SMYD4: variants seen among roughly 807,000 people sequenced by gnomAD.
SMYD4 encodes protein-lysine N-methyltransferase SMYD4.
Under a neutral mutation model 72.8 loss-of-function variants are expected in SMYD4, and 68 were observed. That is an observed-to-expected ratio of 0.93 (90% CI 0.77 to 1.14). SMYD4 has a LOEUF of 1.14. Ranked by LOEUF, SMYD4 falls within the 50% of genes most tolerant of loss-of-function variation. The pLI is 0.00. For synonymous variants in SMYD4, 407 were observed against 388.6 expected (o/e 1.05, Z -0.56); for missense variants, 984 against 1,003.7 (o/e 0.98, Z 0.27).
intron 5 of SMYD4, among the ~76,000 whole-genome samples, chr17:1,798,797 G>A (rs1909542047): frequency 6.6e-6 from 1 of 152,038 alleles, no homozygotes; most frequent in South Asian, 2.1e-4. Context: ...CTACTTGGGA[G>A]GCTGAGCATG....
chr17:1,794,105 A>ATATATTT lies in SMYD4; in HGVS notation c.1537+5751_1537+5752insAAATATA, dbSNP rs1291818005. Among the ~76,000 whole-genome samples the ATATATTT allele has an allele frequency of 4.9e-3, 64 of 12,996 alleles. 3 individuals are homozygous for ATATATTT. Among genetic ancestry groups the ATATATTT allele is most frequent in the Non-Finnish European group, 8.1e-3 (59 of 7,266 alleles). 8.5% of individuals were successfully genotyped at this position (12,996 alleles called of 152,430 possible). A position where few individuals can be genotyped will look rare whatever the true frequency, so the allele number is the denominator to read the frequency against. Reference sequence around the variant, plus strand: ...TGTATATATATATATATATATATATATTTTTTTTTTTTTTTTTTTTTTGAG... The same window carrying ATATATTT: ...TGTATATATATATATATATATATATATATATTTTTTTTTTTTTTTTTTTTTTTTTGAG... On this transcript the variant is annotated intron_variant, in intron 5 of 10. Transcript: ENST00000305513.
At chr17:1,819,043 G>C (rs571171141) in intron 2 of SMYD4, among the ~76,000 whole-genome samples, 1 of 151,846 alleles carries the variant, frequency 6.6e-6, no homozygotes, top group East Asian at 1.9e-4. Context: ...CTCATGGTTA[G>C]ATTCACATTA....
rs955925835 is a variant in SMYD4, at chr17:1,799,921, C to T, written c.1473G>A (p.Ala491=). 16 of 1,613,776 alleles carry T rather than the reference C, an allele frequency of 9.9e-6. No homozygotes were observed. In the African/African-American group the frequency reaches 1.7e-4, roughly 17 times the overall value. Residue 491 remains alanine, a synonymous_variant, in exon 5 of 11, where the codon GCG becomes GCA. Coordinates refer to ENST00000305513, the MANE Select transcript of SMYD4 (RefSeq NM_052928.3). The part of the protein sequence containing the change: ...LCPDVTIWGV[A]MLRHMLQLQC... ...GAAGCTGTAACATGTGTCTCAGCAT[C>T]GCCACTCCCCAAATAGTCACGTCAG...
intron 5 of SMYD4, among the ~76,000 whole-genome samples, chr17:1,794,604 T>G (rs530171960): frequency 6.6e-6 from 1 of 151,788 alleles, no homozygotes; most frequent in East Asian, 1.9e-4. Flanking sequence ...TCTGAAATAT[T>G]TAAGTTGTTA....
intron 2 of SMYD4, among the ~76,000 whole-genome samples, chr17:1,822,619 C>A (rs1202890509): frequency 3.3e-5 from 5 of 152,090 alleles, no homozygotes; most frequent in Non-Finnish European, 7.4e-5. Context: ...GCCACCATGG[C>A]CAGTTAATTT....
intron 10 of SMYD4, 93 bp from the exon 11 acceptor site, chr17:1,781,532 C>A: frequency 7.2e-7 from 1 of 1,398,598 alleles, no homozygotes; most frequent in South Asian, 1.4e-5. Flanking sequence ...AATGTAAGAT[C>A]ATTTCTGTCA....
chr17:1,818,223 C>A (rs1204758524), intron 2 of SMYD4, among the ~76,000 whole-genome samples: 3 of 152,126 alleles, frequency 2.0e-5, no homozygotes, highest in Non-Finnish European at 1.5e-5. Context: ...TGCCATCTCT[C>A]TCTAGAACTC....
At chr17:1,826,129 C>G (rs913357192) in intron 2 of SMYD4, among the ~76,000 whole-genome samples, 3 of 151,924 alleles carry the variant, frequency 2.0e-5, no homozygotes, top group Non-Finnish European at 4.4e-5. Context: ...TACAAATGAA[C>G]AAGAGAATAA....
Position 1,801,024 on chromosome 17 carries a change from T to C in SMYD4, c.370A>G (p.Thr124Ala), listed in dbSNP as rs747182826. 1 of 1,587,288 alleles carries C rather than the reference T, an allele frequency of 6.3e-7. No homozygotes were observed. The change falls in exon 5 of 11, where the codon ACG becomes GCG. Residue 124 changes from threonine (T) to alanine (A), a missense_variant and splice_region_variant. Coordinates refer to ENST00000305513, the MANE Select transcript of SMYD4 (RefSeq NM_052928.3). Reference sequence around the variant, plus strand: ...GCTCTGTTAATGTCTTTAAGACACGTCTGAAAACAGAAAGAAAATCCCACA... The same window carrying C: ...GCTCTGTTAATGTCTTTAAGACACGCCTGAAAACAGAAAGAAAATCCCACA... Reference protein sequence around the residue: ...AALFHLGQYETCLKDINRAQT... With the variant: ...AALFHLGQYEACLKDINRAQT...
At chr17:1,794,105 A>ATATATATATATATTTTTTTTT (rs1291818005) in intron 5 of SMYD4, among the ~76,000 whole-genome samples, 1 of 12,982 alleles carries the variant, frequency 7.7e-5, no homozygotes, top group African/African-American at 3.6e-4. Context: ...ATATATATAT[A>ATATATATATATATTTTTTTTT]TTTTTTTTTT....
At chr17:1,789,746 A>AAC (rs1908916999) in intron 5 of SMYD4, among the ~76,000 whole-genome samples, 1 of 108,120 alleles carries the variant, frequency 9.2e-6, no homozygotes, top group Non-Finnish European at 2.1e-5. Context: ...GCCTGGGTGA[A>AAC]AGAGCGAGAC....
chr17:1,794,039 A>ATATATATGTGTGTG (rs1567770772), intron 5 of SMYD4, among the ~76,000 whole-genome samples: 2 of 68,076 alleles, frequency 2.9e-5, no homozygotes, highest in Non-Finnish European at 5.0e-5. Flanking sequence ...ATATATATGT[A>ATATATATGTGTGTG]TGTATATATA....
chr17:1,809,059 CAG>C (rs1200287656), intron 3 of SMYD4, among the ~76,000 whole-genome samples: 3 of 152,116 alleles, frequency 2.0e-5, no homozygotes, highest in Non-Finnish European at 2.9e-5. Flanking sequence ...TTGTTTTTAA[CAG>C]AGACAGGGCC....
In SMYD4 at chr17:1,800,488, G is replaced by A. The variant is rs577627338; in HGVS notation, c.906C>T (p.His302=). The change falls in exon 5 of 11, where the codon CAC becomes CAT. Residue 302 remains histidine, a synonymous_variant. Coordinates refer to ENST00000305513, the MANE Select transcript of SMYD4 (RefSeq NM_052928.3). ...CGTCACACGGAACTGTGGCCAAAGT[G>A]TGCTTCAAACATCGGTGACAATAGA... is the stretch of plus-strand genomic sequence containing the variant. The part of the protein sequence containing the change: ...GDLYCHRCLK[H]TLATVPCDGC... 2 of 1,614,210 alleles carry A rather than the reference G, an allele frequency of 1.2e-6. No individual in the cohort carries two copies. Among genetic ancestry groups the A allele is most frequent in the South Asian group, 2.2e-5 (2 of 91,080 alleles).
At chr17:1,826,850 G>T (rs1235050319) in intron 2 of SMYD4, among the ~76,000 whole-genome samples, 1 of 151,884 alleles carries the variant, frequency 6.6e-6, no homozygotes. Context: ...CACTATTTTT[G>T]TCTATAGAAA....
rs779033391 is a variant in SMYD4, at chr17:1,800,841, G to C, written c.553C>G (p.Gln185Glu). ...CGATGGAGGTTTCTCTGCAGAGTCT[G>C]AGGGAGGACATCTGCTAGGGCTGGT... ...ATPALADVLP[Q>E]TLQRNLHRLK... The change falls in exon 5 of 11, where the codon CAG becomes GAG. Residue 185 changes from glutamine (Q) to glutamate (E), a missense_variant. Transcript: ENST00000305513. 2 of 1,614,076 alleles carry C rather than the reference G, an allele frequency of 1.2e-6. No individual in the cohort carries two copies. Among genetic ancestry groups the C allele is most frequent in the African/African-American group, 2.7e-5 (2 of 74,936 alleles).
intron 8 of SMYD4, chr17:1,783,681 G>A (rs1018610485): frequency 1.8e-4 from 152 of 835,406 alleles, no homozygotes; most frequent in Non-Finnish European, 1.6e-4. Flanking sequence ...AGGCGCTAGG[G>A]GAGGCCTCCC....
chr17:1,828,037 A>G (rs1373104674), intron 1 of SMYD4, 31 bp from the exon 2 acceptor site: 1 of 1,584,118 alleles, frequency 6.3e-7, no homozygotes, highest in East Asian at 2.3e-5. Context: ...TAGGAATCTT[A>G]CAAATGCACA....
Position 1,795,317 on chromosome 17 carries a change from G to GCTAT in SMYD4, c.1537+4536_1537+4539dup, listed in dbSNP as rs937242207. Among the ~76,000 whole-genome samples, 11 of 151,460 alleles carry GCTAT rather than the reference G, an allele frequency of 7.3e-5. No individual in the cohort carries two copies. In the East Asian group the frequency reaches 9.7e-4, roughly 13 times the overall value. On this transcript the variant is annotated intron_variant, in intron 5 of 10. Transcript: ENST00000305513. Reference sequence around the variant, plus strand: ...GAGAGAGACTTGCTCTGTCGCCCTGGCTATCTATCTATCTATCTAATCATC... The same window carrying GCTAT: ...GAGAGAGACTTGCTCTGTCGCCCTGGCTATCTATCTATCTATCTATCTAATCATC...
Sources: gnomAD v4.1 joint callset for allele counts (sites outside exome capture counted in the v4.1 genomes callset) on GRCh38, gnomAD v4.1.1 for gene constraint, MANE v1.5 for transcripts, NCBI Gene and HGNC (gene_info 2026-07-23, HGNC 2026-07-21) for gene names.